Variants in DYRK1A observed in about 807,000 individuals in gnomAD.
DYRK1A encodes dual specificity tyrosine phosphorylation regulated kinase 1A, also known as dual specificity tyrosine-phosphorylation-regulated kinase 1A.
In DYRK1A, 9 loss-of-function variants were observed where a neutral mutation model predicts 79.7. That is an observed-to-expected ratio of 0.11 (90% CI 0.07 to 0.20). The LOEUF is 0.20. Ranked by LOEUF, DYRK1A falls within the 10% of genes least tolerant of loss-of-function variation. DYRK1A has a pLI of 1.00. For synonymous variants in DYRK1A, 349 were observed against 329.7 expected, an observed-to-expected ratio of 1.06 and a Z score of -0.63; for missense variants, 622 against 956.0, an observed-to-expected ratio of 0.65 and a Z score of 4.61.
chr21:37,420,823 A>G (rs1389286990), intron 2 of DYRK1A, among the ~76,000 whole-genome samples: 3 of 152,060 alleles, frequency 2.0e-5, no homozygotes, highest in Admixed American at 6.6e-5. Flanking sequence ...TCTTAAAAAG[A>G]TATGCTCTGG....
At chr21:37,504,258 ACT>A (rs1239880963) in intron 9 of DYRK1A, 4 of 151,708 alleles carry the variant, frequency 2.6e-5, no homozygotes, top group Non-Finnish European at 4.4e-5. Flanking sequence ...CCCACTCCTA[ACT>A]CTCTGTGCCT....
intron 1 of DYRK1A, among the ~76,000 whole-genome samples, chr21:37,396,929 G>A (rs945401460): frequency 6.6e-6 from 1 of 152,116 alleles, no homozygotes; most frequent in African/African-American, 2.4e-5. Flanking sequence ...TAGGTTGGTG[G>A]CGGTGACTGC....
intron 1 of DYRK1A, among the ~76,000 whole-genome samples, chr21:37,416,782 C>CT (rs1236200302): frequency 1.3e-5 from 2 of 151,882 alleles, no homozygotes; most frequent in African/African-American, 2.4e-5. Context: ...TCTGAGTTAT[C>CT]TTTTTAGATC....
intron 2 of DYRK1A, among the ~76,000 whole-genome samples, chr21:37,458,592 A>G (rs990651108): frequency 6.6e-6 from 1 of 152,036 alleles, no homozygotes; most frequent in Non-Finnish European, 1.5e-5. Context: ...GTGTAAGAAG[A>G]CCGGGTTATT....
intron 11 of DYRK1A, 77 bp from the exon 12 acceptor site, chr21:37,511,834 G>A (rs1376726296): frequency 1.3e-6 from 2 of 1,491,876 alleles, no homozygotes; most frequent in Non-Finnish European, 9.1e-7. Flanking sequence ...TAGTTTGTTA[G>A]TGTCATGGCT....
At chr21:37,390,143 C>A (rs995452125) in intron 1 of DYRK1A, among the ~76,000 whole-genome samples, 2 of 151,990 alleles carry the variant, frequency 1.3e-5, no homozygotes, top group Admixed American at 6.6e-5. Context: ...GTGCTTGATA[C>A]CTGTCAGTAC....
At chr21:37,376,257 C>G (rs1479293465) in intron 1 of DYRK1A, among the ~76,000 whole-genome samples, 1 of 152,140 alleles carries the variant, frequency 6.6e-6, no homozygotes, top group Non-Finnish European at 1.5e-5. Context: ...TGCCTGTAAT[C>G]GCAGCACTTT....
At chr21:37,503,360 ATTTC>A (rs2053506646) in intron 9 of DYRK1A, 1 of 151,548 alleles carries the variant, frequency 6.6e-6, no homozygotes, top group African/African-American at 2.4e-5. Flanking sequence ...TTGTTCACTG[ATTTC>A]TTTTTTTTCC....
At chr21:37,373,218 C>T (rs891082012) in intron 1 of DYRK1A, among the ~76,000 whole-genome samples, 1 of 152,110 alleles carries the variant, frequency 6.6e-6, no homozygotes, top group Non-Finnish European at 1.5e-5. Context: ...CTGCCCTGCC[C>T]AGGATTTTGA....
chr21:37,372,284 C>A (rs2409894), intron 1 of DYRK1A, among the ~76,000 whole-genome samples: 76,286 of 148,456 alleles, frequency 0.51, 19,583 homozygotes, highest in African/African-American at 0.57. Context: ...TCTCAAAAAA[C>A]AAAACAAAAC....
At chr21:37,429,859 A>G (rs2050729098) in intron 2 of DYRK1A, among the ~76,000 whole-genome samples, 1 of 152,210 alleles carries the variant, frequency 6.6e-6, no homozygotes, top group African/African-American at 2.4e-5. Flanking sequence ...TTACAGGGGT[A>G]ACCCCTTTTA....
At position 37,518,318 on chromosome 21, in the gene DYRK1A, T is replaced by C. The variant is rs1181359118; in HGVS notation, c.*5787T>C. 3 of 152,244 alleles carry C rather than the reference T, an allele frequency of 2.0e-5. No homozygotes were observed. The highest frequency in any genetic ancestry group is 2.9e-5 in the Non-Finnish European group (2 of 68,070). 9.4% of individuals were successfully genotyped at this position (152,244 alleles called of 1,614,324 possible). A position where few individuals can be genotyped will look rare whatever the true frequency, so the allele number is the denominator to read the frequency against. Reference sequence around the variant, plus strand: ...GCTCACTTCAGGCACCACTCCCACTTCCATTGCCCGCAAATCCAGGAAAGA... The same window carrying C: ...GCTCACTTCAGGCACCACTCCCACTCCCATTGCCCGCAAATCCAGGAAAGA... On this transcript the variant is annotated 3_prime_UTR_variant, in exon 12 of 12. Transcript: ENST00000647188.
At chr21:37,411,630 C>T (rs2050246953) in intron 1 of DYRK1A, among the ~76,000 whole-genome samples, 1 of 152,140 alleles carries the variant, frequency 6.6e-6, no homozygotes, top group African/African-American at 2.4e-5. Context: ...TGACTACTGA[C>T]ATGGTAGTGT....
intron 6 of DYRK1A, 22 bp downstream of exon 6, chr21:37,486,636 G>T (rs55650427): frequency 6.7e-7 from 1 of 1,499,494 alleles, no homozygotes; most frequent in Non-Finnish European, 8.9e-7. Context: ...GGCAAACAGC[G>T]CAGTGTGCCC....
intron 11 of DYRK1A, among the ~76,000 whole-genome samples, chr21:37,510,169 A>G (rs1601330089): frequency 6.6e-6 from 1 of 152,244 alleles, no homozygotes; most frequent in East Asian, 1.9e-4. Context: ...TGTGATATAA[A>G]TTCCTGAAAG....
At chr21:37,380,959 C>T (rs976904319) in intron 1 of DYRK1A, among the ~76,000 whole-genome samples, 8 of 152,174 alleles carry the variant, frequency 5.3e-5, no homozygotes, top group South Asian at 2.1e-4. Flanking sequence ...CCCTTCTATG[C>T]GCTCTTCGTT....
intron 1 of DYRK1A, among the ~76,000 whole-genome samples, chr21:37,413,408 T>C (rs1017105097): frequency 1.3e-5 from 2 of 152,122 alleles, no homozygotes; most frequent in Non-Finnish European, 2.9e-5. Context: ...ACATTTTATA[T>C]ATAAATTATA....
intron 11 of DYRK1A, among the ~76,000 whole-genome samples, chr21:37,509,968 C>T (rs978759945): frequency 2.0e-5 from 3 of 152,262 alleles, no homozygotes; most frequent in South Asian, 2.1e-4. Context: ...CTCATCCCTT[C>T]GTCTAGCATG....
In DYRK1A at chr21:37,472,761, A is replaced by G. The variant is rs762466544; in HGVS notation, c.88A>G (p.Met30Val). The G allele has an allele frequency of 6.2e-7, 1 of 1,612,772 alleles. No individual in the cohort carries two copies. The highest frequency in any genetic ancestry group is 8.5e-7 in the Non-Finnish European group (1 of 1,179,038). ...SFSFHAAGLQ[M>V]AGQMPHSHQY... The stretch of plus-strand genomic sequence containing the variant: ...TTCATTCCATGCTGCTGGCCTTCAG[A>G]TGGCTGGACAGATGCCCCATTCACA... The change falls in exon 3 of 12, where the codon ATG (methionine) becomes GTG (valine). Residue 30 changes from methionine (M) to valine (V), a missense_variant. By Grantham distance (21) the Met-to-Val change is conservative. Coordinates refer to ENST00000647188, the MANE Select transcript of DYRK1A (RefSeq NM_001347721.2).
Sources: gnomAD v4.1 joint callset for allele counts (sites outside exome capture counted in the v4.1 genomes callset) on GRCh38, gnomAD v4.1.1 for gene constraint, MANE v1.5 for transcripts, NCBI Gene and HGNC (gene_info 2026-07-23, HGNC 2026-07-21) for gene names.